SDK1: variants seen among roughly 807,000 people sequenced by gnomAD.
SDK1 encodes protein sidekick-1.
A neutral mutation model predicts 245.5 loss-of-function variants in SDK1; 157 were observed. The ratio of observed to expected loss-of-function variants is 0.64; its 90% CI spans 0.56 to 0.73. The LOEUF (loss-of-function observed/expected upper bound fraction) is 0.73, where lower values mean the gene tolerates loss of function less well. Ranked by LOEUF, SDK1 falls within the 30% of genes least tolerant of loss-of-function variation. The pLI is 0.00. For missense variants in SDK1, 3,583 were observed against 3,002.3 expected, an observed-to-expected ratio of 1.19 and a Z score of -4.52; for synonymous variants, 1,647 against 1,278.5, an observed-to-expected ratio of 1.29 and a Z score of -6.15.
intron 4 of SDK1, among the ~76,000 whole-genome samples, chr7:3,695,292 G>C (rs1291743063): frequency 6.6e-6 from 1 of 152,160 alleles, no homozygotes; most frequent in Admixed American, 6.5e-5. Context: ...CATTATAATA[G>C]GATTTAATTA....
intron 4 of SDK1, among the ~76,000 whole-genome samples, chr7:3,678,692 C>T (rs573995717): frequency 5.3e-5 from 8 of 152,102 alleles, no homozygotes; most frequent in Non-Finnish European, 1.2e-4. Flanking sequence ...AGAAAAAGTT[C>T]TGGATAGAAA....
chr7:3,756,019 T>C (rs902582359), intron 4 of SDK1, among the ~76,000 whole-genome samples: 4 of 151,560 alleles, frequency 2.6e-5, no homozygotes, highest in Non-Finnish European at 5.9e-5. Context: ...CTGACTCCTT[T>C]CACATGGCAT....
At chr7:4,239,993 C>T (rs972058098) in intron 42 of SDK1, among the ~76,000 whole-genome samples, 1 of 152,182 alleles carries the variant, frequency 6.6e-6, no homozygotes, top group African/African-American at 2.4e-5. Flanking sequence ...TCCTTATTTG[C>T]TTCTATAATG....
chr7:3,559,496 A>G (rs866964078), intron 1 of SDK1, among the ~76,000 whole-genome samples: 1 of 152,074 alleles, frequency 6.6e-6, no homozygotes, highest in Non-Finnish European at 1.5e-5. Flanking sequence ...AAGTGCCAGG[A>G]TACTTAGAAG....
chr7:3,492,461 TCCAA>T (rs1189203686), intron 1 of SDK1, among the ~76,000 whole-genome samples: 4 of 151,946 alleles, frequency 2.6e-5, no homozygotes, highest in African/African-American at 9.7e-5. Context: ...GCCACCACAC[TCCAA>T]CCTGGGCGAC....
chr7:4,005,306 A>G (rs761436905), intron 14 of SDK1, among the ~76,000 whole-genome samples: 51 of 150,854 alleles, frequency 3.4e-4, no homozygotes, highest in Non-Finnish European at 6.6e-4. Flanking sequence ...CGGCCTCCCA[A>G]AGTGCTGGGA....
At chr7:3,479,865 A>AAC (rs1348223569) in intron 1 of SDK1, among the ~76,000 whole-genome samples, 2 of 151,894 alleles carry the variant, frequency 1.3e-5, no homozygotes, top group African/African-American at 2.4e-5. Context: ...CCATCTCAAA[A>AAC]AAAAAAAAAA....
chr7:3,569,768 A>G (rs1338414853), intron 1 of SDK1, among the ~76,000 whole-genome samples: 1 of 152,214 alleles, frequency 6.6e-6, no homozygotes, highest in Non-Finnish European at 1.5e-5. Context: ...ATATTTATTG[A>G]GTGCTACTAA....
chr7:4,145,589 C>T, intron 28 of SDK1, 133 bp from the exon 29 acceptor site: 1 of 758,656 alleles, frequency 1.3e-6, no homozygotes, highest in Non-Finnish European at 2.1e-6. Flanking sequence ...CCTTTCAGTG[C>T]ACAGGCAGTG....
chr7:3,474,039 G>GTA, intron 1 of SDK1, among the ~76,000 whole-genome samples: 1 of 145,334 alleles, frequency 6.9e-6, no homozygotes, highest in South Asian at 2.2e-4. Flanking sequence ...CTGCCATGTG[G>GTA]TATCATGCGC....
In SDK1 at chr7:4,132,333, C is replaced by A. The variant is rs1407702284; in HGVS notation, c.4138C>A (p.Pro1380Thr). The change falls in exon 28 of 45, where the codon CCA becomes ACA. Residue 1380 changes from proline to threonine, a missense_variant. Coordinates refer to ENST00000404826, the MANE Select transcript of SDK1 (RefSeq NM_152744.4). ...LERTKDDAPGPPVRLVFPEVR... is the reference protein window; with the variant it reads ...LERTKDDAPGTPVRLVFPEVR... ...GTGGTTTTTCCCTTCAGCCCCAGGC[C>A]CACCAGTGAGGCTCGTGTTCCCCGA... 1 of 1,611,208 alleles carries A rather than the reference C, an allele frequency of 6.2e-7. No individual in the cohort carries two copies.
intron 32 of SDK1, among the ~76,000 whole-genome samples, chr7:4,167,246 C>T (rs978416929): frequency 1.3e-5 from 2 of 151,966 alleles, no homozygotes; most frequent in African/African-American, 4.8e-5. Flanking sequence ...AAAAATTAGC[C>T]GGGCGTGGTG....
Position 4,172,833 on chromosome 7 carries a change from C to T in SDK1, c.4801-1389C>T, listed in dbSNP as rs541139824. On this transcript the variant is annotated intron_variant, in intron 32 of 44. Coordinates refer to ENST00000404826, the MANE Select transcript of SDK1 (RefSeq NM_152744.4). ...TCTGTCCCTGTCTTCATCGGGTGTT[C>T]CCCCTGTGTGTCCTGTGTCCAAACT... is the stretch of plus-strand genomic sequence containing the variant. Among the ~76,000 whole-genome samples, 4 of 152,238 alleles carry T rather than the reference C, an allele frequency of 2.6e-5. No individual in the cohort carries two copies. The South Asian group carries it at 6.2e-4, about 24-fold the overall frequency.
intron 4 of SDK1, among the ~76,000 whole-genome samples, chr7:3,781,798 C>T (rs1238325783): frequency 2.0e-5 from 3 of 151,870 alleles, no homozygotes; most frequent in African/African-American, 4.8e-5. Context: ...AAAGCTTCAG[C>T]AGAAGACACT....
intron 5 of SDK1, among the ~76,000 whole-genome samples, chr7:3,840,403 T>G (rs549913379): frequency 1.3e-5 from 2 of 152,280 alleles, no homozygotes; most frequent in South Asian, 2.1e-4. Flanking sequence ...TCACCTGGGC[T>G]GGGTCAGGAC....
chr7:3,808,937 C>T (rs1448173482), intron 4 of SDK1, among the ~76,000 whole-genome samples: 2 of 152,166 alleles, frequency 1.3e-5, no homozygotes, highest in Non-Finnish European at 2.9e-5. Context: ...CATGATCTAT[C>T]CCTGTAGTTA....
intron 14 of SDK1, among the ~76,000 whole-genome samples, chr7:4,002,655 C>T: frequency 6.6e-6 from 1 of 152,194 alleles, no homozygotes; most frequent in East Asian, 1.9e-4. Context: ...AAATAATGTA[C>T]ATACACAAAC....
chr7:3,987,342 T>C lies in SDK1; in HGVS notation c.2131+20T>C, dbSNP rs1394680704. On this transcript the variant is annotated intron_variant, in intron 14 of 44. Coordinates refer to ENST00000404826, the MANE Select transcript of SDK1 (RefSeq NM_152744.4). ...AAAACAGTAAGTAGCAAAATGAAAC[T>C]GTCACCATGGACGATAATCAGATTT... 1.1e-5 allele frequency: 17 copies of C among 1,612,136 alleles called. No individual in the cohort carries two copies. The highest frequency in any genetic ancestry group is 1.4e-5 in the Non-Finnish European group (16 of 1,178,710).
At chr7:3,923,714 G>T (rs1282535151) in intron 5 of SDK1, among the ~76,000 whole-genome samples, 3 of 152,250 alleles carry the variant, frequency 2.0e-5, no homozygotes, top group Non-Finnish European at 2.9e-5. Flanking sequence ...CCAAGTTCAC[G>T]TTTAGTCCCC....
Sources: allele counts gnomAD v4.1 joint callset (sites outside exome capture counted in the v4.1 genomes callset), GRCh38; gene constraint gnomAD v4.1.1; transcripts MANE v1.5; gene names NCBI Gene and HGNC (gene_info 2026-07-23, HGNC 2026-07-21).